Variants in DPP6 observed in about 807,000 individuals in gnomAD.
DPP6 encodes dipeptidyl peptidase like 6, also known as A-type potassium channel modulatory protein DPP6.
In DPP6, 69 loss-of-function variants were observed where a neutral mutation model predicts 122.6. That is an observed-to-expected ratio of 0.56 (90% CI 0.46 to 0.69). The LOEUF (loss-of-function observed/expected upper bound fraction) is 0.69. Among genes scored for constraint, DPP6 ranks in the 30% least tolerant of loss-of-function variants. The probability of loss-of-function intolerance (pLI) is 0.00; values close to 1 mark genes in which losing one functional copy is unlikely to be tolerated. For synonymous variants in DPP6, 418 were observed against 433.1 expected, an observed-to-expected ratio of 0.97 and a Z score of 0.43; for missense variants, 928 against 1,116.9, an observed-to-expected ratio of 0.83 and a Z score of 2.41.
chr7:153,948,800 C>G lies in DPP6; in HGVS notation c.51+61066C>G, dbSNP rs1029741529. On this transcript the variant is annotated intron_variant, in intron 1 of 25. Coordinates refer to the DPP6 transcript ENST00000404039. ...GAGGAGGAACTTTATTTCCTTCAAG[C>G]AGTAATCAAGCCTGGCCCATACGAG... Among the ~76,000 whole-genome samples the G allele has an allele frequency of 2.8e-5, 4 of 143,218 alleles. No individual in the cohort carries two copies. The Admixed American group carries it at 2.9e-4, about 10-fold the overall frequency. 94.0% of individuals were successfully genotyped at this position (143,218 alleles called of 152,430 possible).
At chr7:154,435,865 G>C (rs531475757) in intron 1 of DPP6, among the ~76,000 whole-genome samples, 6 of 152,316 alleles carry the variant, frequency 3.9e-5, no homozygotes, top group South Asian at 4.1e-4. Flanking sequence ...TTAGACAATA[G>C]AAGGAAGCAG....
chr7:153,827,346 G>A, the DPP6 span, among the ~76,000 whole-genome samples: 8 of 152,276 alleles, frequency 5.3e-5, no homozygotes, highest in East Asian at 1.2e-3. Context: ...CTTCTGGGTA[G>A]ACGGAGTAGA....
At chr7:153,928,239 T>G (rs972921884) in intron 1 of DPP6, among the ~76,000 whole-genome samples, 33 of 148,578 alleles carry the variant, frequency 2.2e-4, no homozygotes, top group Non-Finnish European at 3.9e-4. Flanking sequence ...TGAGATGGAG[T>G]TTCATGCTGC....
At chr7:153,757,077 A>C in the DPP6 span, among the ~76,000 whole-genome samples, 1 of 152,116 alleles carries the variant, frequency 6.6e-6, no homozygotes, top group Non-Finnish European at 1.5e-5. Context: ...GGACCCTCAA[A>C]TCTAATATTT....
At chr7:154,546,422 C>A (rs1829193304) in intron 4 of DPP6, among the ~76,000 whole-genome samples, 2 of 149,428 alleles carry the variant, frequency 1.3e-5, no homozygotes, top group Admixed American at 1.3e-4. Context: ...TGCCTTCTCA[C>A]AATGAGTATG....
At chr7:154,510,227 C>T (rs1325658964) in intron 3 of DPP6, among the ~76,000 whole-genome samples, 1 of 152,162 alleles carries the variant, frequency 6.6e-6, no homozygotes, top group Non-Finnish European at 1.5e-5. Context: ...GACCACTCAA[C>T]CATGAGAAAT....
chr7:154,309,962 A>C lies in DPP6; in HGVS notation c.244-136252A>C, dbSNP rs576241029. On this transcript the variant is annotated intron_variant, in intron 1 of 25. Transcript: ENST00000377770. Reference sequence around the variant, plus strand: ...TGTAGATAAAAAGAAAACTTGAAGGAACTGCTGAAGAATAGGGACACCAGG... The same window carrying C: ...TGTAGATAAAAAGAAAACTTGAAGGCACTGCTGAAGAATAGGGACACCAGG... 2.0e-5 allele frequency among the ~76,000 whole-genome samples: 3 copies of C among 152,336 alleles called. No homozygotes were observed. The South Asian group carries it at 6.2e-4, about 32-fold the overall frequency.
rs114965526 is a variant in DPP6 at position 154,597,726 on chromosome 7, T to A, written c.627+30810T>A. Among the ~76,000 whole-genome samples, 407 of 152,278 alleles carry A rather than the reference T, an allele frequency of 2.7e-3. 3 individuals carry two copies. Among genetic ancestry groups the A allele is most frequent in the African/African-American group, 9.5e-3 (396 of 41,564 alleles). ...GTCTCACGGTTCTGGAGGCCAGAAG[T>A]CAGAGATCGAGGTGTCTGCAGGGTG... On this transcript the variant is annotated intron_variant, in intron 5 of 25. Coordinates refer to ENST00000377770, the MANE Select transcript of DPP6 (RefSeq NM_130797.4).
chr7:154,160,781 T>A (rs374204513), intron 1 of DPP6, among the ~76,000 whole-genome samples: 10 of 152,168 alleles, frequency 6.6e-5, no homozygotes, highest in African/African-American at 2.2e-4. Context: ...AGAGAGTTAG[T>A]TAATCCTAAA....
chr7:154,343,828 G>A (rs1008707630), intron 1 of DPP6, among the ~76,000 whole-genome samples: 1 of 152,118 alleles, frequency 6.6e-6, no homozygotes, highest in South Asian at 2.1e-4. Context: ...TGATCCTCCC[G>A]CCTTGGCCTC....
At chr7:153,906,066 C>G (rs1188566066) in intron 1 of DPP6, among the ~76,000 whole-genome samples, 1 of 152,090 alleles carries the variant, frequency 6.6e-6, no homozygotes, top group African/African-American at 2.4e-5. Flanking sequence ...CACTAAAGGG[C>G]CTTTGAGCTC....
chr7:154,212,558 C>G (rs891184178), intron 1 of DPP6, among the ~76,000 whole-genome samples: 12 of 152,062 alleles, frequency 7.9e-5, no homozygotes, highest in African/African-American at 2.9e-4. Flanking sequence ...CGTGTGATGC[C>G]GTAGCACTCA....
At chr7:154,773,720 C>G (rs1325644349) in intron 10 of DPP6, among the ~76,000 whole-genome samples, 1 of 152,166 alleles carries the variant, frequency 6.6e-6, no homozygotes, top group African/African-American at 2.4e-5. Context: ...TGAGGCTCAG[C>G]AAAGACCCAA....
intron 1 of DPP6, among the ~76,000 whole-genome samples, chr7:154,285,857 G>A (rs762655621): frequency 6.6e-6 from 1 of 152,188 alleles, no homozygotes; most frequent in Non-Finnish European, 1.5e-5. Context: ...AAAAGAGATA[G>A]CAATTTAACT....
chr7:153,792,378 G>C, the DPP6 span, among the ~76,000 whole-genome samples: 1 of 152,114 alleles, frequency 6.6e-6, no homozygotes, highest in Admixed American at 6.5e-5. Context: ...ACATTATTTA[G>C]TTGTTTAGTT....
At chr7:154,516,671 G>A (rs146462561) in intron 3 of DPP6, among the ~76,000 whole-genome samples, 1 of 152,294 alleles carries the variant, frequency 6.6e-6, no homozygotes, top group African/African-American at 2.4e-5. Flanking sequence ...GAAATGTAAG[G>A]TGCATGAATT....
At chr7:154,731,345 G>A (rs1168648985) in intron 8 of DPP6, among the ~76,000 whole-genome samples, 3 of 152,180 alleles carry the variant, frequency 2.0e-5, no homozygotes, top group African/African-American at 4.8e-5. Context: ...ATGCCTTATT[G>A]ATTTGTTTTG....
intron 4 of DPP6, among the ~76,000 whole-genome samples, chr7:154,562,315 A>G (rs1236684305): frequency 6.6e-6 from 1 of 152,198 alleles, no homozygotes; most frequent in Non-Finnish European, 1.5e-5. Context: ...GTAATTTACC[A>G]TATTGACAGA....
At chr7:154,361,352 G>A (rs1811707328) in intron 1 of DPP6, among the ~76,000 whole-genome samples, 1 of 152,182 alleles carries the variant, frequency 6.6e-6, no homozygotes, top group Non-Finnish European at 1.5e-5. Context: ...GTCTCCACCT[G>A]AAGGTCACAG....
Sources: allele counts gnomAD v4.1 joint callset (sites outside exome capture counted in the v4.1 genomes callset), GRCh38; gene constraint gnomAD v4.1.1; transcripts MANE v1.5; gene names NCBI Gene and HGNC (gene_info 2026-07-23, HGNC 2026-07-21).